Variants in HTT observed in about 807,000 individuals in gnomAD.
The protein encoded by HTT is huntington disease protein.
HTT carries 104 observed loss-of-function variants against 362.3 expected under a neutral mutation model. The observed-to-expected ratio is 0.29, with a 90% CI of 0.24 to 0.34. The LOEUF (loss-of-function observed/expected upper bound fraction) is 0.34. HTT is among the 10% of genes least tolerant of loss of function. HTT has a pLI of 1.00. For synonymous variants in HTT, 1,577 were observed against 1,548.7 expected (o/e 1.02, Z -0.43); for missense variants, 3,301 against 3,928.6 (o/e 0.84, Z 4.27).
chr4:3,218,430 C>G lies in HTT; in HGVS notation c.7242+478C>G, dbSNP rs528251981. Among the ~76,000 whole-genome samples, 1 of 152,068 alleles carries G rather than the reference C, an allele frequency of 6.6e-6. No homozygotes were observed. Among genetic ancestry groups the G allele is most frequent in the Non-Finnish European group, 1.5e-5 (1 of 68,010 alleles). On this transcript the variant is annotated intron_variant, in intron 52 of 66. Transcript: ENST00000355072. This position sits in a 1 kb window ranked among gnomAD's most constrained non-coding sequence, Gnocchi z 4.4. ...GGCGGATCACTTGAGGTCAGGATTTCGAGACCAGCCTGGCCAACATGGTGA... is the reference window on the plus strand; with the variant it reads ...GGCGGATCACTTGAGGTCAGGATTTGGAGACCAGCCTGGCCAACATGGTGA...
intron 6 of HTT, among the ~76,000 whole-genome samples, chr4:3,114,232 C>CG (rs1714909084): frequency 6.6e-6 from 1 of 152,214 alleles, no homozygotes; most frequent in Non-Finnish European, 1.5e-5. Flanking sequence ...TGCCTTTAAG[C>CG]GGTTTTCCAC....
chr4:3,075,238 C>A, intron 1 of HTT, 150 bp downstream of exon 1: 3 of 738,442 alleles, frequency 4.1e-6, no homozygotes, highest in Non-Finnish European at 5.4e-6. Flanking sequence ...ATGAGGGACA[C>A]CCGCCCCCTC....
At chr4:3,175,537 C>G (rs1718198372) in intron 33 of HTT, among the ~76,000 whole-genome samples, 1 of 152,158 alleles carries the variant, frequency 6.6e-6, no homozygotes, top group Admixed American at 6.5e-5. Flanking sequence ...GGTTCACTTA[C>G]CTCTTTAAAA....
intron 33 of HTT, among the ~76,000 whole-genome samples, chr4:3,176,003 G>A (rs1016045011): frequency 8.2e-5 from 12 of 145,894 alleles, no homozygotes; most frequent in Admixed American, 3.4e-4. Flanking sequence ...GTATCTGCTT[G>A]TTTTTTTTGT....
At chr4:3,197,768 C>G (rs923357558) in intron 40 of HTT, among the ~76,000 whole-genome samples, 2 of 152,226 alleles carry the variant, frequency 1.3e-5, no homozygotes, top group African/African-American at 4.8e-5. Context: ...CAGTCTGATT[C>G]AGAGCCTGTG....
chr4:3,219,450 A>C (rs754291745), intron 52 of HTT, among the ~76,000 whole-genome samples: 3 of 152,190 alleles, frequency 2.0e-5, no homozygotes, highest in Non-Finnish European at 2.9e-5. Flanking sequence ...TGTAACAGGC[A>C]CTGCAGTCTC....
At chr4:3,152,813 ATTTT>A (rs1181564097) in intron 26 of HTT, among the ~76,000 whole-genome samples, 2 of 132,312 alleles carry the variant, frequency 1.5e-5, no homozygotes. Flanking sequence ...TGCCTGGCTA[ATTTT>A]TTTTTTTTTT....
intron 51 of HTT, among the ~76,000 whole-genome samples, chr4:3,216,418 G>C (rs1204182494): frequency 3.3e-5 from 5 of 152,240 alleles, no homozygotes; most frequent in Non-Finnish European, 5.9e-5. Flanking sequence ...CTTCTGTGGT[G>C]AGGATAAGAA....
chr4:3,235,779 G>A lies in HTT; in HGVS notation c.8785+1G>A. On this transcript the variant is annotated splice_donor_variant, in intron 63 of 66. Coordinates refer to ENST00000355072, the MANE Select transcript of HTT (RefSeq NM_001388492.1). LOFTEE classifies it high-confidence loss of function. The stretch of plus-strand genomic sequence containing the variant: ...CTGATGCTCACCTGCATGTACACAG[G>A]TGAGCATGTACACGGTGCCCATAAG... 1 of 1,604,202 alleles carries A rather than the reference G, an allele frequency of 6.2e-7. No homozygotes were observed. The highest frequency in any genetic ancestry group is 8.5e-7 in the Non-Finnish European group (1 of 1,177,938).
chr4:3,222,678 G>A (rs1578603470), intron 54 of HTT, among the ~76,000 whole-genome samples, 191 bp downstream of exon 54: 1 of 152,320 alleles, frequency 6.6e-6, no homozygotes, highest in Non-Finnish European at 1.5e-5. Flanking sequence ...TGGGGGCTGC[G>A]ATTACCAATG....
In HTT at chr4:3,218,028, G is replaced by A. The variant is rs1202744213; in HGVS notation, c.7242+76G>A. ...TAGGCCCTGGGCTGGGCACACGTGA[G>A]AGGGCGGGACAGAATCCCCGCAGCC... is the stretch of plus-strand genomic sequence containing the variant. On this transcript the variant is annotated intron_variant, in intron 52 of 66. Transcript: ENST00000355072. This position sits in a 1 kb window ranked among gnomAD's most constrained non-coding sequence, Gnocchi z 4.4. The A allele has an allele frequency of 2.3e-6, 3 of 1,301,374 alleles. No individual in the cohort carries two copies. The highest frequency in any genetic ancestry group is 1.5e-5 in the African/African-American group (1 of 68,056). The allele number at this position is 1,301,374 out of a possible 1,614,324, so 80.6% of individuals were successfully genotyped here.
At chr4:3,216,046 C>G (rs141126574) in intron 51 of HTT, among the ~76,000 whole-genome samples, 5 of 152,216 alleles carry the variant, frequency 3.3e-5, no homozygotes, top group African/African-American at 1.2e-4. Context: ...CTTTTCCATG[C>G]TCTGTGGCTC....
intron 1 of HTT, among the ~76,000 whole-genome samples, chr4:3,083,507 G>C (rs1353188695): frequency 6.7e-6 from 1 of 149,776 alleles, no homozygotes; most frequent in Non-Finnish European, 1.5e-5. Flanking sequence ...CTGGGCAAGA[G>C]AGTGAGACCC....
At chr4:3,191,256 C>T (rs970362147) in intron 40 of HTT, among the ~76,000 whole-genome samples, 1 of 152,022 alleles carries the variant, frequency 6.6e-6, no homozygotes, top group African/African-American at 2.4e-5. Flanking sequence ...TCACCGCAAC[C>T]TCTGCCTCCC....
In HTT at chr4:3,132,902, AGCT is replaced by A; in HGVS notation, c.2486_2488del (p.Ala829del). The A allele has an allele frequency of 1.9e-6, 3 of 1,609,248 alleles. No homozygotes were observed. Among genetic ancestry groups the A allele is most frequent in the Non-Finnish European group, 2.6e-6 (3 of 1,175,502 alleles). ...CTGTTACTTGCAAGTTAGCTTGTAC[AGCT>A]GTGAGGGTGAGCATAATCTTCTGTG... On this transcript the variant is annotated inframe_deletion, in exon 18 of 67. Coordinates refer to ENST00000355072, the MANE Select transcript of HTT (RefSeq NM_001388492.1).
Position 3,130,436 on chromosome 4 carries a change from G to C in HTT, c.1986+13G>C. 7 of 1,391,128 alleles carry C rather than the reference G, an allele frequency of 5.0e-6. No homozygotes were observed. The highest frequency in any genetic ancestry group is 7.1e-6 in the Non-Finnish European group (7 of 992,078). 86.2% of individuals were successfully genotyped at this position (1,391,128 alleles called of 1,614,324 possible). A position where few individuals can be genotyped will look rare whatever the true frequency, so the allele number is the denominator to read the frequency against. Reference sequence around the variant, plus strand: ...TCAAGAAAACAAGGTGAGGGACATAGGCTTGAGACGACTTGGTGTTTCTGA... The same window carrying C: ...TCAAGAAAACAAGGTGAGGGACATACGCTTGAGACGACTTGGTGTTTCTGA... On this transcript the variant is annotated intron_variant, in intron 14 of 66. Transcript: ENST00000355072.
chr4:3,154,477 A>T, intron 27 of HTT, 58 bp downstream of exon 27: 1 of 1,583,110 alleles, frequency 6.3e-7, no homozygotes, highest in Non-Finnish European at 8.6e-7. Context: ...ATGTAGAAAC[A>T]TAGGATTTAA....
chr4:3,206,773 A>G lies in HTT; in HGVS notation c.5899-34A>G, dbSNP rs1475685688. On this transcript the variant is annotated intron_variant, in intron 43 of 66. Coordinates refer to ENST00000355072, the MANE Select transcript of HTT (RefSeq NM_001388492.1). This position sits in a 1 kb window ranked among gnomAD's most constrained non-coding sequence, Gnocchi z 4.6. The stretch of plus-strand genomic sequence containing the variant: ...AACTTTAATTTCTGATTTGCAAAAT[A>G]GTCATCTTTTGTTCTTTTCCTTCTT... 2.5e-6 allele frequency: 4 copies of G among 1,591,388 alleles called. No homozygotes were observed. Among genetic ancestry groups the G allele is most frequent in the Middle Eastern group, 1.7e-4 (1 of 5,944 alleles).
chr4:3,109,409 G>T (rs1245666891), intron 6 of HTT, among the ~76,000 whole-genome samples: 1 of 152,048 alleles, frequency 6.6e-6, no homozygotes, highest in African/African-American at 2.4e-5. Flanking sequence ...ACTTTTAGTA[G>T]AGATGGGGTT....
Sources: gnomAD v4.1 joint callset for allele counts (sites outside exome capture counted in the v4.1 genomes callset) on GRCh38, gnomAD v4.1.1 for gene constraint, Gnocchi (gnomAD v3.1) non-coding constraint, MANE v1.5 for transcripts, NCBI Gene and HGNC (gene_info 2026-07-23, HGNC 2026-07-21) for gene names.